CCT6B: variants seen among roughly 807,000 people sequenced by gnomAD.
The protein encoded by CCT6B is probable T-complex protein 1 subunit zeta-2.
In CCT6B, 49 loss-of-function variants were observed where a neutral mutation model predicts 61.5. The observed-to-expected ratio is 0.80, with a 90% CI of 0.63 to 1.01. The LOEUF is 1.01. CCT6B is among the 50% of genes least tolerant of loss of function. The probability of loss-of-function intolerance (pLI) is 0.00; values close to 1 mark genes in which losing one functional copy is unlikely to be tolerated. For missense variants in CCT6B, 666 were observed against 634.7 expected, an observed-to-expected ratio of 1.05 and a Z score of -0.53; for synonymous variants, 228 against 214.5, an observed-to-expected ratio of 1.06 and a Z score of -0.55.
intron 5 of CCT6B, chr17:34,944,020 T>A: frequency 6.6e-6 from 1 of 152,256 alleles, no homozygotes; most frequent in South Asian, 2.1e-4. Flanking sequence ...ATTTTTGTTA[T>A]ATATTTTTAA....
chr17:34,933,233 GC>G (rs1405435475), intron 10 of CCT6B, among the ~76,000 whole-genome samples: 2 of 152,134 alleles, frequency 1.3e-5, no homozygotes, highest in African/African-American at 4.8e-5. Context: ...TTGTACTGCA[GC>G]AGAACTCAAA....
In CCT6B at chr17:34,942,898, T is replaced by A; in HGVS notation, c.623A>T (p.Gln208Leu). The A allele has an allele frequency of 6.4e-7, 1 of 1,574,350 alleles. No individual in the cohort carries two copies. The highest frequency in any genetic ancestry group is 8.7e-7 in the Non-Finnish European group (1 of 1,153,086). Residue 208 changes from glutamine to leucine, a missense_variant, in exon 6 of 14, where the codon CAA becomes CTA. By Grantham distance (113) the Gln-to-Leu change is moderately radical. Transcript: ENST00000314144. ...HKLGTDTKLI[Q>L]GLVLDHGARH... ...GGCACCATGATCCAAAACTAATCCT[T>A]GGATCAACCTATTAAAAATATTAAT...
intron 5 of CCT6B, among the ~76,000 whole-genome samples, chr17:34,946,686 T>C (rs1043275186): frequency 5.9e-5 from 9 of 152,174 alleles, no homozygotes; most frequent in African/African-American, 1.7e-4. Context: ...ATGAATAAAC[T>C]GTGGTATATT....
In CCT6B at chr17:34,953,855, G is replaced by A. The variant is rs8076835; in HGVS notation, c.510+571C>T. On this transcript the variant is annotated intron_variant, in intron 4 of 13. Transcript: ENST00000314144. ...TGTAATCCCAGCTACTCGGGAGGCT[G>A]ATGTAGGAGAATCGTTTGAACCTGG... Among the ~76,000 whole-genome samples the A allele has an allele frequency of 3.5e-3, 527 of 152,228 alleles. 5 individuals carry two copies. Among genetic ancestry groups the A allele is most frequent in the African/African-American group, 0.012 (511 of 41,560 alleles).
In CCT6B at chr17:34,958,676, C is replaced by A. The variant is rs1247945839; in HGVS notation, c.220G>T (p.Ala74Ser). Residue 74 changes from alanine (A) to serine (S), a missense_variant, in exon 3 of 14, where the codon GCT (alanine) becomes TCT (serine). Transcript: ENST00000314144. ...GTTGCTACTTTTGCTATCAAGGAAG[C>A]TGTTGGATGTTGAATTTGCTGGAAA... ...LDEMQIQHPTASLIAKVATAQ... is the reference protein window; with the variant it reads ...LDEMQIQHPTSSLIAKVATAQ... 2 of 1,597,182 alleles carry A rather than the reference C, an allele frequency of 1.3e-6. No homozygotes were observed. Among genetic ancestry groups the A allele is most frequent in the Non-Finnish European group, 1.7e-6 (2 of 1,172,446 alleles).
chr17:34,928,924 C>T (rs769644024), intron 13 of CCT6B, 38 bp downstream of exon 13: 15 of 1,129,290 alleles, frequency 1.3e-5, no homozygotes, highest in Non-Finnish European at 2.0e-5. Flanking sequence ...TCAATTATAA[C>T]TCTACAGGTC....
At chr17:34,932,139 G>A (rs2090042330) in intron 11 of CCT6B, among the ~76,000 whole-genome samples, 1 of 152,146 alleles carries the variant, frequency 6.6e-6, no homozygotes, top group South Asian at 2.1e-4. Context: ...GGAACTCAGA[G>A]AAAGAAGCAA....
At chr17:34,946,540 C>G (rs1160770451) in intron 5 of CCT6B, among the ~76,000 whole-genome samples, 1 of 152,134 alleles carries the variant, frequency 6.6e-6, no homozygotes, top group Non-Finnish European at 1.5e-5. Context: ...CACACATATA[C>G]ACACAGATAT....
rs776871308 is a variant in CCT6B, at chr17:34,939,232, C to T, written c.1164G>A (p.Lys388=). The change falls in exon 10 of 14, where the codon AAG becomes AAA. Residue 388 remains lysine, a synonymous_variant. Coordinates refer to ENST00000314144, the MANE Select transcript of CCT6B (RefSeq NM_006584.4). ...CACGAAGTCCATCTCTTATGGCATC[C>T]TTGACTTGTGTGAGAGTATGCTTAT... is the stretch of plus-strand genomic sequence containing the variant. The part of the protein sequence containing the change: ...GPNKHTLTQV[K]DAIRDGLRAI... 5 of 1,613,774 alleles carry T rather than the reference C, an allele frequency of 3.1e-6. No individual in the cohort carries two copies. The highest frequency in any genetic ancestry group is 1.6e-4 in the Middle Eastern group (1 of 6,080).
At chr17:34,936,654 A>C (rs956565280) in intron 10 of CCT6B, among the ~76,000 whole-genome samples, 1 of 152,194 alleles carries the variant, frequency 6.6e-6, no homozygotes, top group Non-Finnish European at 1.5e-5. Context: ...TGGAAATTTT[A>C]AAAATAGCAT....
chr17:34,939,813 T>A, intron 8 of CCT6B, 100 bp from the exon 9 acceptor site: 1 of 760,510 alleles, frequency 1.3e-6, no homozygotes, highest in Admixed American at 2.1e-5. Flanking sequence ...ATTGTTACTG[T>A]ATTGTATTGT....
chr17:34,938,529 C>G lies in CCT6B; in HGVS notation c.1213+654G>C, dbSNP rs866325224. Among the ~76,000 whole-genome samples, 5 of 152,200 alleles carry G rather than the reference C, an allele frequency of 3.3e-5. No individual in the cohort carries two copies. The Middle Eastern group carries it at 0.017, about 518-fold the overall frequency. On this transcript the variant is annotated intron_variant, in intron 10 of 13. Coordinates refer to ENST00000314144, the MANE Select transcript of CCT6B (RefSeq NM_006584.4). Reference sequence around the variant, plus strand: ...CATGATTGTGCCACTGCACTCTAGCCTGGGTGACAGAGCAAGACCCTGTCT... The same window carrying G: ...CATGATTGTGCCACTGCACTCTAGCGTGGGTGACAGAGCAAGACCCTGTCT...
chr17:34,958,507 T>TA (rs1318811901), intron 3 of CCT6B, 53 bp downstream of exon 3: 7 of 1,190,786 alleles, frequency 5.9e-6, no homozygotes, highest in Admixed American at 5.6e-5. Context: ...TTTTACTAGT[T>TA]AAAAAAATAA....
chr17:34,934,663 T>C (rs2090074878), intron 10 of CCT6B, among the ~76,000 whole-genome samples: 1 of 152,186 alleles, frequency 6.6e-6, no homozygotes, highest in South Asian at 2.1e-4. Flanking sequence ...GAATGTGTCA[T>C]TAAAAGCTTT....
chr17:34,938,612 T>A (rs1475152889), intron 10 of CCT6B, among the ~76,000 whole-genome samples: 2 of 151,992 alleles, frequency 1.3e-5, no homozygotes, highest in Non-Finnish European at 2.9e-5. Flanking sequence ...ATGCCAGTAA[T>A]CCTAGCACTT....
chr17:34,946,406 G>C (rs1567669310), intron 5 of CCT6B, among the ~76,000 whole-genome samples: 1 of 152,096 alleles, frequency 6.6e-6, no homozygotes, highest in Non-Finnish European at 1.5e-5. Context: ...TTAAACATAT[G>C]TTTAAAGAAA....
In CCT6B at chr17:34,942,790, A is replaced by G. The variant is rs1229172049; in HGVS notation, c.725+6T>C. ...TCAAAAGTTATAAAGAGAAAGTAAC[A>G]CGCACGTTTTTTCATATTCCAGTGA... On this transcript the variant is annotated splice_donor_region_variant and intron_variant, in intron 6 of 13. Transcript: ENST00000314144. 11 of 1,573,088 alleles carry G rather than the reference A, an allele frequency of 7.0e-6. No individual in the cohort carries two copies. Among genetic ancestry groups the G allele is most frequent in the African/African-American group, 5.5e-5 (4 of 73,304 alleles).
intron 1 of CCT6B, among the ~76,000 whole-genome samples, chr17:34,960,439 TAGTG>T (rs2090398918): frequency 6.6e-6 from 1 of 152,198 alleles, no homozygotes; most frequent in Non-Finnish European, 1.5e-5. Flanking sequence ...CTCTTCCAAC[TAGTG>T]AAGTCTTATT....
chr17:34,931,201 C>A, intron 11 of CCT6B, 150 bp from the exon 12 acceptor site: 1 of 255,084 alleles, frequency 3.9e-6, no homozygotes, highest in Non-Finnish European at 7.1e-6. Flanking sequence ...TAATCTAAAT[C>A]AAATTATTAT....
Sources: gnomAD v4.1 joint callset for allele counts (sites outside exome capture counted in the v4.1 genomes callset) on GRCh38, gnomAD v4.1.1 for gene constraint, MANE v1.5 for transcripts, NCBI Gene and HGNC (gene_info 2026-07-23, HGNC 2026-07-21) for gene names.